TMEM266: variants seen among roughly 807,000 people sequenced by gnomAD.
The protein encoded by TMEM266 is transmembrane protein 266, also known as Hv1 related protein 1.
TMEM266 carries 33 observed loss-of-function variants against 50.5 expected under a neutral mutation model. That is an observed-to-expected ratio of 0.65 (90% CI 0.50 to 0.87). The LOEUF (loss-of-function observed/expected upper bound fraction) is 0.87, where lower values mean the gene tolerates loss of function less well. TMEM266 is among the 40% of genes least tolerant of loss of function. TMEM266 has a pLI of 0.00. For synonymous variants in TMEM266, 310 were observed against 292.3 expected (o/e 1.06, Z -0.62); for missense variants, 655 against 695.1 (o/e 0.94, Z 0.65).
intron 1 of TMEM266, among the ~76,000 whole-genome samples, chr15:76,074,488 G>A (rs2141986284): frequency 6.6e-6 from 1 of 151,948 alleles, no homozygotes; most frequent in East Asian, 1.9e-4. Context: ...TCAAATTAAT[G>A]CTTATATAAT....
Position 76,139,135 on chromosome 15 carries a change from T to A in TMEM266, c.227+1240T>A, listed in dbSNP as rs894236720. Among the ~76,000 whole-genome samples the A allele has an allele frequency of 2.6e-5, 4 of 152,170 alleles. No individual in the cohort carries two copies. Among genetic ancestry groups the A allele is most frequent in the Non-Finnish European group, 5.9e-5 (4 of 68,032 alleles). ...TATAAAAATGAAGGGTTGTCAGGTA[T>A]TTTAGAAGCAAACGAGAAGCCTTAG... is the stretch of plus-strand genomic sequence containing the variant. On this transcript the variant is annotated intron_variant, in intron 3 of 10. Coordinates refer to ENST00000388942, the MANE Select transcript of TMEM266 (RefSeq NM_152335.3). This position sits in a 1 kb window ranked among gnomAD's most constrained non-coding sequence, Gnocchi z 4.1.
At chr15:76,149,275 C>T (rs1020814411) in intron 3 of TMEM266, among the ~76,000 whole-genome samples, 1 of 152,172 alleles carries the variant, frequency 6.6e-6, no homozygotes, top group African/African-American at 2.4e-5. Flanking sequence ...CTGCCTTTTT[C>T]CTCCCCTTGT....
intron 3 of TMEM266, among the ~76,000 whole-genome samples, chr15:76,150,210 C>T (rs2037817243): frequency 6.6e-6 from 1 of 152,152 alleles, no homozygotes; most frequent in Non-Finnish European, 1.5e-5. Context: ...TAGCTTGTAT[C>T]CACTGCTGGA....
chr15:76,180,291 G>T (rs1882565229), intron 8 of TMEM266, among the ~76,000 whole-genome samples: 1 of 152,074 alleles, frequency 6.6e-6, no homozygotes, highest in African/African-American at 2.4e-5. Context: ...GTAGGCTTAG[G>T]CTCCTCCTGG....
At chr15:76,177,070 A>G (rs915915661) in intron 8 of TMEM266, among the ~76,000 whole-genome samples, 3 of 151,908 alleles carry the variant, frequency 2.0e-5, no homozygotes, top group Admixed American at 6.6e-5. Flanking sequence ...CTCTCTACAG[A>G]GCATGTTCCC....
intron 8 of TMEM266, among the ~76,000 whole-genome samples, chr15:76,189,649 C>T (rs565506176): frequency 9.9e-5 from 15 of 152,154 alleles, no homozygotes; most frequent in East Asian, 1.9e-4. Flanking sequence ...GGTCTGCATG[C>T]ATAATATTTG....
chr15:76,126,374 CATATAT>C (rs61446223), intron 1 of TMEM266, among the ~76,000 whole-genome samples: 148 of 137,816 alleles, frequency 1.1e-3, no homozygotes, highest in African/African-American at 3.2e-3. Context: ...CACCCACAGA[CATATAT>C]ATATATATAT....
intron 1 of TMEM266, among the ~76,000 whole-genome samples, chr15:76,098,587 C>T (rs1417378290): frequency 6.6e-6 from 1 of 152,062 alleles, no homozygotes; most frequent in Admixed American, 6.5e-5. Context: ...GCAGTCTGAC[C>T]CTTAGCAGAG....
intron 3 of TMEM266, among the ~76,000 whole-genome samples, chr15:76,156,147 G>C (rs1367155370): frequency 6.6e-6 from 1 of 152,168 alleles, no homozygotes; most frequent in Non-Finnish European, 1.5e-5. Context: ...GATCACCTGA[G>C]GTCAGGAGTT....
intron 3 of TMEM266, among the ~76,000 whole-genome samples, chr15:76,151,353 C>T (rs533640128): frequency 3.9e-5 from 6 of 152,278 alleles, no homozygotes; most frequent in East Asian, 1.9e-4. Context: ...TAGGAATGTC[C>T]GAGTCATCTG....
At chr15:76,126,784 C>T (rs1228222325) in intron 1 of TMEM266, among the ~76,000 whole-genome samples, 4 of 152,120 alleles carry the variant, frequency 2.6e-5, no homozygotes, top group African/African-American at 4.8e-5. Context: ...CTGCCTGGGC[C>T]TCCCAAAGTG....
At chr15:76,118,319 T>C (rs1268759966) in intron 1 of TMEM266, among the ~76,000 whole-genome samples, 1 of 152,200 alleles carries the variant, frequency 6.6e-6, no homozygotes, top group Non-Finnish European at 1.5e-5. Context: ...CCCAGCACTT[T>C]GGGAAGCCGA....
Position 76,108,068 on chromosome 15 carries a change from A to G in TMEM266, c.-96-26100A>G, listed in dbSNP as rs144317581. ...GGTGGCAGAGCAGCTGAGCCTGGCT[A>G]CGTGAGGCTCCAAGGAAGCCTGCAC... On this transcript the variant is annotated intron_variant, in intron 1 of 10. Transcript: ENST00000388942. Among the ~76,000 whole-genome samples, 1,069 of 152,372 alleles carry G rather than the reference A, an allele frequency of 7.0e-3. 17 individuals carry two copies. Among genetic ancestry groups the G allele is most frequent in the African/African-American group, 0.024 (1,003 of 41,588 alleles).
At chr15:76,126,365 A>C (rs188974724) in intron 1 of TMEM266, among the ~76,000 whole-genome samples, 1,689 of 125,682 alleles carry the variant, frequency 0.013, 33 homozygotes, top group African/African-American at 0.053. Context: ...ACACACACAC[A>C]CCCACAGACA....
At chr15:76,113,535 T>C (rs887062785) in intron 1 of TMEM266, 1 of 152,320 alleles carries the variant, frequency 6.6e-6, no homozygotes, top group African/African-American at 2.4e-5. Flanking sequence ...CAGTAAGCAG[T>C]AGGCACCTCT....
intron 1 of TMEM266, among the ~76,000 whole-genome samples, chr15:76,078,144 G>C (rs1002410616): frequency 6.6e-6 from 1 of 152,000 alleles, no homozygotes; most frequent in Non-Finnish European, 1.5e-5. Flanking sequence ...ACTCTGTCAG[G>C]CCTGAACTTT....
chr15:76,179,205 T>G (rs184856970), intron 8 of TMEM266, among the ~76,000 whole-genome samples: 56 of 152,340 alleles, frequency 3.7e-4, no homozygotes, highest in Middle Eastern at 3.4e-3. Flanking sequence ...CTTACTGGCC[T>G]TGTGGCTTTG....
At chr15:76,122,966 T>C (rs1227664727) in intron 1 of TMEM266, among the ~76,000 whole-genome samples, 3 of 152,214 alleles carry the variant, frequency 2.0e-5, no homozygotes, top group Admixed American at 6.5e-5. Context: ...TAATGATGGA[T>C]GGTTTGATTT....
chr15:76,085,638 C>G (rs1169729092), intron 1 of TMEM266, among the ~76,000 whole-genome samples: 1 of 152,188 alleles, frequency 6.6e-6, no homozygotes, highest in East Asian at 1.9e-4. Context: ...AATGGTATAG[C>G]CACTTTGGAA....
Sources: allele counts gnomAD v4.1 joint callset (sites outside exome capture counted in the v4.1 genomes callset), GRCh38; gene constraint gnomAD v4.1.1; non-coding constraint Gnocchi (gnomAD v3.1); transcripts MANE v1.5; gene names NCBI Gene and HGNC (gene_info 2026-07-23, HGNC 2026-07-21).